LRP1B: variants seen among roughly 807,000 people sequenced by gnomAD.
LRP1B encodes low-density lipoprotein receptor-related protein 1B.
LRP1B carries 217 observed loss-of-function variants against 556.6 expected under a neutral mutation model. That is an observed-to-expected ratio of 0.39 (90% confidence interval 0.35 to 0.44). The LOEUF (loss-of-function observed/expected upper bound fraction) is 0.44. Ranked by LOEUF, LRP1B falls within the 20% of genes least tolerant of loss-of-function variation. The probability of loss-of-function intolerance (pLI) is 1.00; values close to 1 mark genes in which losing one functional copy is unlikely to be tolerated. For missense variants in LRP1B, 5,053 were observed against 5,620.8 expected (o/e 0.90, Z 3.23); for synonymous variants, 2,047 against 1,865.8 (o/e 1.10, Z -2.50).
At chr2:141,486,714 G>C (rs973778555) in intron 2 of LRP1B, among the ~76,000 whole-genome samples, 16 of 152,102 alleles carry the variant, frequency 1.1e-4, no homozygotes, top group African/African-American at 3.9e-4. Context: ...TCCTGTACCT[G>C]CAACCTCACT....
In LRP1B at chr2:141,036,960, A is replaced by C. The variant is rs377102022; in HGVS notation, c.1789+12026T>G. Among the ~76,000 whole-genome samples the C allele has an allele frequency of 5.3e-5, 8 of 152,140 alleles. No homozygotes were observed. In the East Asian group the frequency reaches 9.7e-4, roughly 19 times the overall value. Reference sequence around the variant, plus strand: ...AGAGTTTCACTGCCACAGGAGGAGAAGGGCCCACCTTCAAAACCCAGACAC... The same window carrying C: ...AGAGTTTCACTGCCACAGGAGGAGACGGGCCCACCTTCAAAACCCAGACAC... On this transcript the variant is annotated intron_variant, in intron 11 of 90. Coordinates refer to ENST00000389484, the MANE Select transcript of LRP1B (RefSeq NM_018557.3).
chr2:140,261,200 A>C (rs1681922197), intron 86 of LRP1B, among the ~76,000 whole-genome samples: 1 of 151,848 alleles, frequency 6.6e-6, no homozygotes, highest in Non-Finnish European at 1.5e-5. Context: ...AATTTTGGAA[A>C]AATTTGTATC....
At chr2:140,790,947 T>C (rs1690097208) in intron 32 of LRP1B, among the ~76,000 whole-genome samples, 1 of 151,258 alleles carries the variant, frequency 6.6e-6, no homozygotes, top group African/African-American at 2.4e-5. Context: ...CAAATTTTTT[T>C]TTTTTTTTTT....
rs529178938 is a variant in LRP1B, at chr2:141,272,151, T to C, written c.344-17510A>G. Among the ~76,000 whole-genome samples the C allele has an allele frequency of 1.3e-3, 201 of 152,154 alleles. 2 individuals carry two copies. The highest frequency in any genetic ancestry group is 1.9e-3 in the Non-Finnish European group (132 of 67,918). ...ATGTATTATTGGGTTTATAACACAA[T>C]GACTTAATATGTATAACAATAATAG... On this transcript the variant is annotated intron_variant, in intron 3 of 90. Transcript: ENST00000389484.
chr2:140,918,183 ATT>A (rs1417980660), intron 21 of LRP1B, among the ~76,000 whole-genome samples: 1 of 102,004 alleles, frequency 9.8e-6, no homozygotes, highest in Non-Finnish European at 2.1e-5. Flanking sequence ...GTAGATTTCT[ATT>A]TTGTGTGTGT....
chr2:140,807,768 T>C (rs7605211), intron 32 of LRP1B, among the ~76,000 whole-genome samples: 1,722 of 152,272 alleles, frequency 0.011, 30 homozygotes, highest in African/African-American at 0.04. Context: ...TATTACTGTA[T>C]ATTAGAAAGC....
At chr2:140,331,151 G>A (rs1008080622) in intron 79 of LRP1B, among the ~76,000 whole-genome samples, 1 of 152,072 alleles carries the variant, frequency 6.6e-6, no homozygotes, top group Non-Finnish European at 1.5e-5. Flanking sequence ...GGTCACAATA[G>A]CAAAGACACG....
chr2:140,533,813 G>A (rs1160445332), intron 47 of LRP1B, among the ~76,000 whole-genome samples: 1 of 152,018 alleles, frequency 6.6e-6, no homozygotes, highest in African/African-American at 2.4e-5. Context: ...AGTTTTAAGG[G>A]GAGGAAAGGA....
intron 35 of LRP1B, among the ~76,000 whole-genome samples, chr2:140,731,590 A>C (rs13398933): frequency 0.48 from 73,577 of 151,728 alleles, 19,053 homozygotes; most frequent in Non-Finnish European, 0.59. Context: ...CAACGTGGTG[A>C]AACTCCATCT....
chr2:141,637,075 G>A (rs1437257318), intron 2 of LRP1B, among the ~76,000 whole-genome samples: 1 of 152,052 alleles, frequency 6.6e-6, no homozygotes, highest in African/African-American at 2.4e-5. Context: ...ATGTAAACAC[G>A]TCTTTTTTTA....
intron 15 of LRP1B, among the ~76,000 whole-genome samples, chr2:140,995,755 C>T (rs891132664): frequency 3.3e-5 from 5 of 151,980 alleles, no homozygotes; most frequent in Non-Finnish European, 7.4e-5. Context: ...TCAAAACTAT[C>T]TTTTTATGTT....
chr2:141,547,208 C>T (rs761466803), intron 2 of LRP1B, among the ~76,000 whole-genome samples: 9 of 152,066 alleles, frequency 5.9e-5, no homozygotes, highest in Admixed American at 2.6e-4. Flanking sequence ...GCCAAGATAT[C>T]GCAGAGACAT....
chr2:140,922,296 ACG>A lies in LRP1B; in HGVS notation c.3319+667_3319+668del, dbSNP rs1553560882. 3.1e-5 allele frequency among the ~76,000 whole-genome samples: 4 copies of A among 129,194 alleles called. No homozygotes were observed. In the South Asian group the frequency reaches 1.0e-3, roughly 33 times the overall value. 84.8% of individuals were successfully genotyped at this position (129,194 alleles called of 152,430 possible). On this transcript the variant is annotated intron_variant, in intron 21 of 90. Transcript: ENST00000389484. Reference sequence around the variant, plus strand: ...CCTATTTGTATACACACACACACACACGCACACACGCACACACACGCACACAC... The same window carrying A: ...CCTATTTGTATACACACACACACACACACACACGCACACACACGCACACAC...
chr2:140,550,392 AT>A (rs1368681016), intron 43 of LRP1B, among the ~76,000 whole-genome samples: 1 of 152,158 alleles, frequency 6.6e-6, no homozygotes, highest in East Asian at 1.9e-4. Flanking sequence ...GTAAAATAAA[AT>A]TTTAACCTGA....
chr2:141,150,329 A>G (rs150373516), intron 7 of LRP1B, among the ~76,000 whole-genome samples: 6 of 152,320 alleles, frequency 3.9e-5, no homozygotes, highest in Non-Finnish European at 8.8e-5. Context: ...TGTTGAGAGA[A>G]TAACTATATT....
At chr2:140,256,433 TTC>T (rs1323836750) in intron 86 of LRP1B, among the ~76,000 whole-genome samples, 11 of 149,508 alleles carry the variant, frequency 7.4e-5, no homozygotes, top group Admixed American at 1.3e-4. Flanking sequence ...TGGTTTTCTT[TTC>T]TCTTTTTTCC....
chr2:140,788,288 G>A (rs550422947), intron 32 of LRP1B, among the ~76,000 whole-genome samples: 189 of 151,978 alleles, frequency 1.2e-3, no homozygotes, highest in African/African-American at 4.2e-3. Context: ...TAAATAACTC[G>A]GAAAAATATT....
Position 140,705,547 on chromosome 2 carries a change from A to T in LRP1B, c.6024-2994T>A, listed in dbSNP as rs1301510552. On this transcript the variant is annotated intron_variant, in intron 37 of 90. Transcript: ENST00000389484. ...AAAAAAAAAAAAAAAAAAAAAAAAA[A>T]AAAAAAAAAAAAACACAGACACACA... is the stretch of plus-strand genomic sequence containing the variant. Among the ~76,000 whole-genome samples the T allele has an allele frequency of 2.4e-4, 34 of 139,560 alleles. No homozygotes were observed. The East Asian group carries it at 3.2e-3, about 13-fold the overall frequency. The allele number at this position is 139,560 out of a possible 152,430, so 91.6% of individuals were successfully genotyped here. A position where few individuals can be genotyped will look rare whatever the true frequency, so the allele number is the denominator to read the frequency against.
chr2:140,517,664 A>T (rs1485851), intron 49 of LRP1B, among the ~76,000 whole-genome samples: 3 of 148,554 alleles, frequency 2.0e-5, no homozygotes, highest in Admixed American at 6.7e-5. Context: ...TATTATCATT[A>T]TTTTAACCTT....
Sources: allele counts gnomAD v4.1 joint callset (sites outside exome capture counted in the v4.1 genomes callset), GRCh38; gene constraint gnomAD v4.1.1; transcripts MANE v1.5; gene names NCBI Gene and HGNC (gene_info 2026-07-23, HGNC 2026-07-21).